The following KCNJ4 variants were observed in gnomAD, a reference collection of about 807,000 sequenced individuals.
KCNJ4 encodes the protein inward rectifier potassium channel 4.
Under a neutral mutation model 25.6 loss-of-function variants are expected in KCNJ4, and 3 were observed. That is an observed-to-expected ratio of 0.12 (90% confidence interval 0.05 to 0.30). The LOEUF (loss-of-function observed/expected upper bound fraction) is 0.30. KCNJ4 is among the 10% of genes least tolerant of loss of function. KCNJ4 has a pLI of 1.00. For missense variants in KCNJ4, 286 were observed against 666.8 expected (o/e 0.43, Z 6.29); for synonymous variants, 257 against 283.9 (o/e 0.91, Z 0.95).
At chr22:38,453,196 C>T (rs2089420215) in intron 1 of KCNJ4, among the ~76,000 whole-genome samples, 1 of 152,158 alleles carries the variant, frequency 6.6e-6, no homozygotes, top group African/African-American at 2.4e-5. Context: ...ATGCTCCAGG[C>T]TGGCGCACGC....
chr22:38,437,026 A>G (rs2093067382), intron 1 of KCNJ4, among the ~76,000 whole-genome samples: 1 of 152,204 alleles, frequency 6.6e-6, no homozygotes, highest in Non-Finnish European at 1.5e-5. Flanking sequence ...ATCACAGGGC[A>G]AGTTGGAGCC....
At chr22:38,447,597 G>C (rs373420292) in intron 1 of KCNJ4, among the ~76,000 whole-genome samples, 3 of 152,232 alleles carry the variant, frequency 2.0e-5, no homozygotes, top group African/African-American at 4.8e-5. Context: ...AGTCTAGGGT[G>C]GGGGCTGGGA....
At chr22:38,445,583 A>G (rs930482271) in intron 1 of KCNJ4, among the ~76,000 whole-genome samples, 1 of 152,154 alleles carries the variant, frequency 6.6e-6, no homozygotes, top group African/African-American at 2.4e-5. Context: ...GGTTCTTGCC[A>G]TCCTCCCGCC....
At chr22:38,437,108 A>G (rs1428672477) in intron 1 of KCNJ4, among the ~76,000 whole-genome samples, 1 of 152,188 alleles carries the variant, frequency 6.6e-6, no homozygotes, top group African/African-American at 2.4e-5. Flanking sequence ...AGGGGCTTGG[A>G]GCAGCAAGGG....
rs1416311952 is a variant in KCNJ4 at position 38,427,519 on chromosome 22, C to T, written c.614G>A (p.Arg205His). The T allele has an allele frequency of 1.2e-6, 2 of 1,611,960 alleles. No individual in the cohort carries two copies. Among genetic ancestry groups the T allele is most frequent in the Non-Finnish European group, 1.7e-6 (2 of 1,178,800 alleles). ...GTGGCTCTTGCGCAGGTTGCCCACG[C>T]GCCACATGAGGCAGAGCTTGCCGTC... ...VRDGKLCLMWRVGNLRKSHIV... is the reference protein window; with the variant it reads ...VRDGKLCLMWHVGNLRKSHIV... Residue 205 changes from arginine to histidine, a missense_variant, in exon 2 of 2, where the codon CGC becomes CAC. Transcript: ENST00000303592.
At chr22:38,446,386 G>T (rs2089375043) in intron 1 of KCNJ4, among the ~76,000 whole-genome samples, 1 of 152,236 alleles carries the variant, frequency 6.6e-6, no homozygotes, top group African/African-American at 2.4e-5. Flanking sequence ...CCTTTCCAAG[G>T]TCAGGTGGGC....
chr22:38,449,804 C>T lies in KCNJ4; in HGVS notation c.-40+5176G>A, dbSNP rs936988633. Among the ~76,000 whole-genome samples, 1 of 152,274 alleles carries T rather than the reference C, an allele frequency of 6.6e-6. No homozygotes were observed. Among genetic ancestry groups the T allele is most frequent in the African/African-American group, 2.4e-5 (1 of 41,478 alleles). ...AATGAGAATCATCTATGTCCAAAGT[C>T]TTCCAGGTTCACGACAGGGACCCCG... On this transcript the variant is annotated intron_variant, in intron 1 of 1. Coordinates refer to ENST00000303592, the MANE Select transcript of KCNJ4 (RefSeq NM_152868.3). This position sits in a 1 kb window ranked among gnomAD's most constrained non-coding sequence, Gnocchi z 5.2.
chr22:38,440,097 CAA>C (rs1053336679), intron 1 of KCNJ4, among the ~76,000 whole-genome samples: 7 of 75,918 alleles, frequency 9.2e-5, no homozygotes, highest in African/African-American at 9.7e-5. Context: ...GACTTCGTCT[CAA>C]AAAAAAAAAA....
At chr22:38,447,262 G>A (rs1471851289) in intron 1 of KCNJ4, among the ~76,000 whole-genome samples, 1 of 152,230 alleles carries the variant, frequency 6.6e-6, no homozygotes, top group African/African-American at 2.4e-5. Flanking sequence ...GAACCTTCCA[G>A]ACACGAGTGG....
In KCNJ4 at chr22:38,449,334, C is replaced by T. The variant is rs1161652131; in HGVS notation, c.-40+5646G>A. On this transcript the variant is annotated intron_variant, in intron 1 of 1. Transcript: ENST00000303592. This position sits in a 1 kb window ranked among gnomAD's most constrained non-coding sequence, Gnocchi z 5.2. ...GAACCAATCCTTGCTTCTCTCTGAG[C>T]CTCAGTATTCTCATCTGAGAAGTGG... Among the ~76,000 whole-genome samples, 1 of 152,216 alleles carries T rather than the reference C, an allele frequency of 6.6e-6. No individual in the cohort carries two copies. Among genetic ancestry groups the T allele is most frequent in the East Asian group, 1.9e-4 (1 of 5,198 alleles).
chr22:38,451,329 G>A (rs2089409417), intron 1 of KCNJ4, among the ~76,000 whole-genome samples: 1 of 152,156 alleles, frequency 6.6e-6, no homozygotes, highest in Non-Finnish European at 1.5e-5. Flanking sequence ...AACAACCACA[G>A]CTGCTCCCTA....
rs532770184 is a variant in KCNJ4 at position 38,442,528 on chromosome 22, C to A, written c.-40+12452G>T. Among the ~76,000 whole-genome samples the A allele has an allele frequency of 2.6e-5, 3 of 116,574 alleles. No homozygotes were observed. The East Asian group carries it at 8.3e-4, about 32-fold the overall frequency. 76.5% of individuals were successfully genotyped at this position (116,574 alleles called of 152,430 possible). A position where few individuals can be genotyped will look rare whatever the true frequency, so the allele number is the denominator to read the frequency against. ...CACCACTGCACTCCAGCCTGGGTGACAGAGCAAGACTCCATCAAAAAAAAA... is the reference window on the plus strand; with the variant it reads ...CACCACTGCACTCCAGCCTGGGTGAAAGAGCAAGACTCCATCAAAAAAAAA... On this transcript the variant is annotated intron_variant, in intron 1 of 1. Transcript: ENST00000303592.
chr22:38,426,793 G>A lies in KCNJ4; in HGVS notation c.*2C>T, dbSNP rs146819162. 1.0e-5 allele frequency: 16 copies of A among 1,605,248 alleles called. No homozygotes were observed. The African/African-American group carries it at 1.7e-4, about 17-fold the overall frequency. On this transcript the variant is annotated 3_prime_UTR_variant, in exon 2 of 2. Coordinates refer to ENST00000303592, the MANE Select transcript of KCNJ4 (RefSeq NM_152868.3). ...GGCAGTGGTGAGGGCCGGGCCTGGAGGTCAGATGGCAGACTCCCTGCGGTA... is the reference window on the plus strand; with the variant it reads ...GGCAGTGGTGAGGGCCGGGCCTGGAAGTCAGATGGCAGACTCCCTGCGGTA...
At chr22:38,430,817 A>G (rs2093047431) in intron 1 of KCNJ4, among the ~76,000 whole-genome samples, 1 of 152,230 alleles carries the variant, frequency 6.6e-6, no homozygotes, top group South Asian at 2.1e-4. Flanking sequence ...CAGGAGGAGC[A>G]TAGGGTCACC....
chr22:38,432,555 C>T (rs1243876728), intron 1 of KCNJ4, among the ~76,000 whole-genome samples: 1 of 152,162 alleles, frequency 6.6e-6, no homozygotes, highest in East Asian at 1.9e-4. Context: ...ACTACTCATC[C>T]TCCCCAACTT....
At chr22:38,445,170 C>T (rs1228246930) in intron 1 of KCNJ4, among the ~76,000 whole-genome samples, 18 of 151,890 alleles carry the variant, frequency 1.2e-4, no homozygotes, top group Admixed American at 1.1e-3. Context: ...CTGGGCTGAG[C>T]GGAAAGCAGG....
intron 1 of KCNJ4, among the ~76,000 whole-genome samples, chr22:38,444,177 C>A (rs915320431): frequency 6.6e-6 from 1 of 152,186 alleles, no homozygotes; most frequent in Non-Finnish European, 1.5e-5. Context: ...TCATCTGCAA[C>A]ATCATTACAG....
chr22:38,452,794 C>A lies in KCNJ4; in HGVS notation c.-40+2186G>T, dbSNP rs111951112. ...CCCATCTCTTCCCCAGCTAGCCTGG[C>A]CCTGGGGCCTCCCCTCCTCACTCTG... On this transcript the variant is annotated intron_variant, in intron 1 of 1. Coordinates refer to ENST00000303592, the MANE Select transcript of KCNJ4 (RefSeq NM_152868.3). Among the ~76,000 whole-genome samples the A allele has an allele frequency of 1.8e-3, 277 of 151,636 alleles. 3 individuals are homozygous for A. The highest frequency in any genetic ancestry group is 6.2e-3 in the African/African-American group (254 of 41,282).
intron 1 of KCNJ4, among the ~76,000 whole-genome samples, chr22:38,453,850 C>T (rs535950266): frequency 6.6e-6 from 1 of 152,308 alleles, no homozygotes; most frequent in South Asian, 2.1e-4. Context: ...TAGGCTCAGC[C>T]CTTCCAACTC....
Sources: allele counts gnomAD v4.1 joint callset (sites outside exome capture counted in the v4.1 genomes callset), GRCh38; gene constraint gnomAD v4.1.1; non-coding constraint Gnocchi (gnomAD v3.1); transcripts MANE v1.5; gene names NCBI Gene and HGNC (gene_info 2026-07-23, HGNC 2026-07-21).